SLC35F3: variants seen among roughly 807,000 people sequenced by gnomAD.
SLC35F3 encodes solute carrier family 35 member F3.
Under a neutral mutation model 49.9 loss-of-function variants are expected in SLC35F3, and 25 were observed. That is an observed-to-expected ratio of 0.50 (90% confidence interval 0.37 to 0.70). SLC35F3 has a LOEUF of 0.70. Among genes scored for constraint, SLC35F3 ranks in the 30% least tolerant of loss-of-function variants. The probability of loss-of-function intolerance (pLI) is 0.00; values close to 1 mark genes in which losing one functional copy is unlikely to be tolerated. For missense variants in SLC35F3, 525 were observed against 639.8 expected, an observed-to-expected ratio of 0.82 and a Z score of 1.94; for synonymous variants, 275 against 265.4, an observed-to-expected ratio of 1.04 and a Z score of -0.35.
chr1:234,293,270 G>T (rs553162764), intron 3 of SLC35F3, among the ~76,000 whole-genome samples: 1 of 152,216 alleles, frequency 6.6e-6, no homozygotes, highest in East Asian at 1.9e-4. Context: ...AAGGCCTGTC[G>T]GGAAGCCTCT....
At position 234,231,568 on chromosome 1, in the gene SLC35F3, G is replaced by T; in HGVS notation, c.435G>T (p.Val145=). ...IFWGVAVVLC[V]CSSWAGSTQL... is the part of the protein sequence containing the mutation. ...GGGGCGTGGCGGTCGTGCTGTGCGT[G>T]TGCTCCTCGTGGGCGGGCTCCACGC... The change falls in exon 3 of 8, where the codon GTG becomes GTT. Residue 145 remains valine (V), a synonymous_variant. Coordinates refer to ENST00000366618, the MANE Select transcript of SLC35F3 (RefSeq NM_173508.4). The surrounding 1 kb of genome is among the most constrained non-coding windows in gnomAD (Gnocchi z 5.4). 1 of 1,614,172 alleles carries T rather than the reference G, an allele frequency of 6.2e-7. No individual in the cohort carries two copies. Among genetic ancestry groups the T allele is most frequent in the Non-Finnish European group, 8.5e-7 (1 of 1,180,012 alleles).
intron 2 of SLC35F3, among the ~76,000 whole-genome samples, chr1:234,101,201 G>A (rs1665208718): frequency 6.6e-6 from 1 of 151,964 alleles, no homozygotes; most frequent in African/African-American, 2.4e-5. Flanking sequence ...CAGCACTCAC[G>A]GCAGTCAATG....
intron 2 of SLC35F3, among the ~76,000 whole-genome samples, chr1:234,058,164 T>C (rs768486431): frequency 6.6e-6 from 1 of 151,960 alleles, no homozygotes; most frequent in South Asian, 2.1e-4. Flanking sequence ...GTGTCACATA[T>C]TGTCAATTTT....
intron 2 of SLC35F3, among the ~76,000 whole-genome samples, chr1:233,907,880 C>G (rs992359661): frequency 6.6e-6 from 1 of 152,148 alleles, no homozygotes; most frequent in Non-Finnish European, 1.5e-5. Flanking sequence ...CGTGCGCCAC[C>G]ACATCCTGCT....
At chr1:233,914,498 G>A (rs763193523) in intron 2 of SLC35F3, among the ~76,000 whole-genome samples, 3 of 152,166 alleles carry the variant, frequency 2.0e-5, no homozygotes, top group Non-Finnish European at 4.4e-5. Context: ...GCAGAAACCA[G>A]GTTCTGTTGT....
chr1:234,050,536 T>C (rs1250579042), intron 2 of SLC35F3, among the ~76,000 whole-genome samples: 2 of 152,250 alleles, frequency 1.3e-5, no homozygotes, highest in Non-Finnish European at 2.9e-5. Flanking sequence ...TTCTGGATAT[T>C]AGCCCTTTGT....
chr1:234,319,007 A>G (rs964122456), intron 6 of SLC35F3, 64 bp downstream of exon 6: 10 of 1,397,836 alleles, frequency 7.2e-6, no homozygotes, highest in Middle Eastern at 1.8e-4. Flanking sequence ...CCCTCAGGAA[A>G]CATGTTCCCT....
At chr1:234,265,011 C>A (rs78163478) in intron 3 of SLC35F3, among the ~76,000 whole-genome samples, 1 of 152,154 alleles carries the variant, frequency 6.6e-6, no homozygotes, top group Admixed American at 6.5e-5. Flanking sequence ...CAGGGCCCCA[C>A]GCTCAGTCCT....
chr1:234,285,233 C>T (rs1668401647), intron 3 of SLC35F3: 1 of 422,428 alleles, frequency 2.4e-6, no homozygotes, highest in Non-Finnish European at 4.7e-6. Flanking sequence ...TTTCACTGGG[C>T]TTCCCTCAGA....
rs147642131 is a variant in SLC35F3, at chr1:234,303,809, T to C, written c.609-5292T>C. Among the ~76,000 whole-genome samples, 25 of 152,344 alleles carry C rather than the reference T, an allele frequency of 1.6e-4. No homozygotes were observed. The East Asian group carries it at 4.8e-3, about 29-fold the overall frequency. On this transcript the variant is annotated intron_variant, in intron 3 of 7. Transcript: ENST00000366618. ...CTTTATTTTACAAATAGGTGCCTTG[T>C]TGTGGTTCTTTCTTTATTCATTTTT...
At chr1:234,146,076 G>A (rs1230060562) in intron 2 of SLC35F3, among the ~76,000 whole-genome samples, 1 of 151,858 alleles carries the variant, frequency 6.6e-6, no homozygotes, top group African/African-American at 2.4e-5. Flanking sequence ...TTTTAATCTG[G>A]TAATTTCTAG....
chr1:234,054,943 G>A lies in SLC35F3; in HGVS notation c.283+149185G>A, dbSNP rs1664433149. Among the ~76,000 whole-genome samples the A allele has an allele frequency of 2.0e-5, 3 of 152,182 alleles. No individual in the cohort carries two copies. In the South Asian group the frequency reaches 6.2e-4, roughly 31 times the overall value. ...GCTGTTTGCCTGAGTATCACCAGCGGAGGCTGTAGAACAGCAAATATTGCA... is the reference window on the plus strand; with the variant it reads ...GCTGTTTGCCTGAGTATCACCAGCGAAGGCTGTAGAACAGCAAATATTGCA... On this transcript the variant is annotated intron_variant, in intron 2 of 7. Coordinates refer to ENST00000366618, the MANE Select transcript of SLC35F3 (RefSeq NM_173508.4).
intron 2 of SLC35F3, among the ~76,000 whole-genome samples, chr1:233,947,766 G>A (rs1024302998): frequency 4.7e-5 from 7 of 149,042 alleles, no homozygotes; most frequent in African/African-American, 1.7e-4. Context: ...GAGAGAGAGA[G>A]AGAGAAGAGA....
intron 2 of SLC35F3, among the ~76,000 whole-genome samples, chr1:233,956,910 G>A (rs1662714558): frequency 6.6e-6 from 1 of 152,188 alleles, no homozygotes; most frequent in African/African-American, 2.4e-5. Flanking sequence ...GCCTAGTGGT[G>A]GAATGCCAGA....
intron 2 of SLC35F3, among the ~76,000 whole-genome samples, chr1:234,061,270 T>C (rs894099745): frequency 6.6e-6 from 1 of 152,198 alleles, no homozygotes; most frequent in African/African-American, 2.4e-5. Flanking sequence ...CAGGTTTTTT[T>C]AAATATGTTA....
chr1:234,151,258 G>GA (rs35828730), intron 2 of SLC35F3, among the ~76,000 whole-genome samples: 23,542 of 145,906 alleles, frequency 0.16, 3,254 homozygotes, highest in East Asian at 0.75. Flanking sequence ...TAAACTATCA[G>GA]AAAAAAAAAA....
At chr1:233,961,402 C>T (rs1662798375) in intron 2 of SLC35F3, among the ~76,000 whole-genome samples, 1 of 151,684 alleles carries the variant, frequency 6.6e-6, no homozygotes, top group South Asian at 2.1e-4. Flanking sequence ...GTTTCCACCT[C>T]CCAAATCCCG....
intron 2 of SLC35F3, among the ~76,000 whole-genome samples, chr1:234,109,470 A>G (rs1665372907): frequency 1.3e-5 from 2 of 152,192 alleles, no homozygotes; most frequent in Admixed American, 6.5e-5. Flanking sequence ...AGGAAACCCC[A>G]GAGAACCCAC....
chr1:234,121,701 T>G (rs949317898), intron 2 of SLC35F3, among the ~76,000 whole-genome samples: 1 of 152,186 alleles, frequency 6.6e-6, no homozygotes, highest in African/African-American at 2.4e-5. Context: ...CTCCTAATGC[T>G]ATCCCTCCAC....
Sources: allele counts gnomAD v4.1 joint callset (sites outside exome capture counted in the v4.1 genomes callset), GRCh38; gene constraint gnomAD v4.1.1; non-coding constraint Gnocchi (gnomAD v3.1); transcripts MANE v1.5; gene names NCBI Gene and HGNC (gene_info 2026-07-23, HGNC 2026-07-21).